The following ZNF385D variants were observed in gnomAD, a reference collection of about 807,000 sequenced individuals.
ZNF385D encodes the protein zinc finger protein 385D, also known as zinc finger protein 659.
ZNF385D carries 15 observed loss-of-function variants against 35.8 expected under a neutral mutation model. The observed-to-expected ratio is 0.42, with a 90% CI of 0.28 to 0.64. The LOEUF is 0.64. ZNF385D is among the 30% of genes least tolerant of loss of function. The probability of loss-of-function intolerance (pLI) is 0.23; values close to 1 mark genes in which losing one functional copy is unlikely to be tolerated. For synonymous variants in ZNF385D, 212 were observed against 186.8 expected, an observed-to-expected ratio of 1.13 and a Z score of -1.10; for missense variants, 474 against 494.6, an observed-to-expected ratio of 0.96 and a Z score of 0.39.
intron 3 of ZNF385D, among the ~76,000 whole-genome samples, chr3:22,058,014 G>C (rs1319269730): frequency 6.6e-6 from 1 of 152,160 alleles, no homozygotes; most frequent in African/African-American, 2.4e-5. Context: ...ATGAATAAAT[G>C]AATGAATGAA....
intron 3 of ZNF385D, among the ~76,000 whole-genome samples, chr3:21,932,160 C>G (rs1165669688): frequency 6.3e-5 from 2 of 31,856 alleles, no homozygotes; most frequent in Non-Finnish European, 1.2e-4. Flanking sequence ...GAGCAAGACT[C>G]ATTCTCAAAA....
At chr3:22,145,033 T>TGTGG (rs1037315118) in intron 3 of ZNF385D, among the ~76,000 whole-genome samples, 2 of 151,944 alleles carry the variant, frequency 1.3e-5, no homozygotes, top group East Asian at 3.9e-4. Flanking sequence ...TGTGTGTGTG[T>TGTGG]GTGTGTAGTC....
rs1421153343 is a variant in ZNF385D, at chr3:21,682,215, TAG to T, written c.23-17189_23-17188del. 9.5e-4 allele frequency among the ~76,000 whole-genome samples: 144 copies of T among 151,150 alleles called. 1 individual carries two copies. The highest frequency in any genetic ancestry group is 3.4e-3 in the Middle Eastern group (1 of 294). On this transcript the variant is annotated intron_variant, in intron 1 of 7. Coordinates refer to ENST00000281523, the MANE Select transcript of ZNF385D (RefSeq NM_024697.3). Reference sequence around the variant, plus strand: ...TTGGCAGGTTGGTTTGTTTTTAGTTTAGCTTTGTCCTTTTAAGTTAGAAGCCA... The same window carrying T: ...TTGGCAGGTTGGTTTGTTTTTAGTTTCTTTGTCCTTTTAAGTTAGAAGCCA...
At chr3:22,174,849 T>C (rs1297967621) in intron 2 of ZNF385D, among the ~76,000 whole-genome samples, 2 of 152,122 alleles carry the variant, frequency 1.3e-5, no homozygotes, top group Non-Finnish European at 2.9e-5. Context: ...GTAATATTTA[T>C]ACAGAACACA....
intron 3 of ZNF385D, among the ~76,000 whole-genome samples, chr3:21,767,988 GTAAT>G (rs2070905981): frequency 1.3e-5 from 2 of 151,968 alleles, no homozygotes; most frequent in South Asian, 4.1e-4. Flanking sequence ...CTAATTTGTT[GTAAT>G]TATTCACATA....
chr3:22,173,988 A>G (rs1425796917), intron 2 of ZNF385D, among the ~76,000 whole-genome samples: 2 of 151,486 alleles, frequency 1.3e-5, no homozygotes, highest in Non-Finnish European at 2.9e-5. Context: ...TCTATTTATT[A>G]TCAGTTTCAA....
chr3:22,233,708 TG>T (rs1699023469), intron 2 of ZNF385D, among the ~76,000 whole-genome samples: 1 of 152,112 alleles, frequency 6.6e-6, no homozygotes, highest in African/African-American at 2.4e-5. Flanking sequence ...AATATAGTCC[TG>T]GTAGGCTCTA....
intron 3 of ZNF385D, among the ~76,000 whole-genome samples, chr3:22,026,782 G>C (rs1697582046): frequency 1.3e-5 from 2 of 152,192 alleles, no homozygotes; most frequent in South Asian, 2.1e-4. Context: ...TCCCTGGAGG[G>C]ATTGAGAACA....
chr3:21,675,227 G>A (rs558436501), intron 1 of ZNF385D, among the ~76,000 whole-genome samples: 48 of 152,092 alleles, frequency 3.2e-4, no homozygotes, highest in South Asian at 8.3e-4. Flanking sequence ...AACACACTAA[G>A]TCCTAGGCTT....
At chr3:21,576,937 C>T (rs531741660) in intron 2 of ZNF385D, among the ~76,000 whole-genome samples, 6 of 152,202 alleles carry the variant, frequency 3.9e-5, no homozygotes, top group South Asian at 2.1e-4. Flanking sequence ...TACCTTTATA[C>T]GATGTCTAAT....
intron 3 of ZNF385D, among the ~76,000 whole-genome samples, chr3:22,015,410 T>C (rs1163693416): frequency 6.6e-6 from 1 of 152,140 alleles, no homozygotes; most frequent in East Asian, 1.9e-4. Context: ...AGAAAATATC[T>C]ACGCTTTTCA....
Position 21,548,203 on chromosome 3 carries a change from A to C in ZNF385D, c.276+16371T>G, listed in dbSNP as rs558924780. 1.1e-3 allele frequency among the ~76,000 whole-genome samples: 170 copies of C among 152,282 alleles called. 1 individual carries two copies. The highest frequency in any genetic ancestry group is 4.0e-3 in the African/African-American group (165 of 41,574). ...AAATTTTCGTGGCGGTGATATGGAC[A>C]AGAACCCAGTCTTTAACTGAACTAG... On this transcript the variant is annotated intron_variant, in intron 3 of 7. Coordinates refer to ENST00000281523, the MANE Select transcript of ZNF385D (RefSeq NM_024697.3).
At chr3:22,140,996 T>C (rs898755555) in intron 3 of ZNF385D, among the ~76,000 whole-genome samples, 1 of 152,218 alleles carries the variant, frequency 6.6e-6, no homozygotes, top group Non-Finnish European at 1.5e-5. Context: ...TAAACACAAA[T>C]TGTATATCAA....
intron 2 of ZNF385D, among the ~76,000 whole-genome samples, chr3:22,249,497 GAAGT>G (rs1306752507): frequency 6.6e-6 from 1 of 152,096 alleles, no homozygotes; most frequent in African/African-American, 2.4e-5. Context: ...TGTATTTAAA[GAAGT>G]AATTATGTAA....
intron 3 of ZNF385D, among the ~76,000 whole-genome samples, chr3:21,995,513 G>C (rs1188344151): frequency 2.0e-5 from 3 of 152,156 alleles, no homozygotes; most frequent in Non-Finnish European, 4.4e-5. Flanking sequence ...GTAGGTGGCA[G>C]TGAGTGAGGT....
intron 3 of ZNF385D, among the ~76,000 whole-genome samples, chr3:22,167,227 A>T (rs1037270612): frequency 6.6e-6 from 1 of 152,286 alleles, no homozygotes; most frequent in South Asian, 2.1e-4. Flanking sequence ...CCTATTTTAC[A>T]AATACCAACC....
chr3:21,951,154 G>T (rs571479551), intron 3 of ZNF385D, among the ~76,000 whole-genome samples: 1 of 151,778 alleles, frequency 6.6e-6, no homozygotes, highest in Non-Finnish European at 1.5e-5. Flanking sequence ...CCATTTTCAT[G>T]ATACTGATTC....
intron 2 of ZNF385D, among the ~76,000 whole-genome samples, chr3:22,259,782 A>G (rs1700524704): frequency 6.6e-6 from 1 of 151,864 alleles, no homozygotes; most frequent in Non-Finnish European, 1.5e-5. Context: ...GGCACCAGAA[A>G]TTTTACCAGC....
chr3:22,000,322 A>T (rs1198621184), intron 3 of ZNF385D, among the ~76,000 whole-genome samples: 2 of 151,628 alleles, frequency 1.3e-5, no homozygotes, highest in African/African-American at 4.8e-5. Context: ...AAAAGGCCTT[A>T]TCTGAGGCAC....
Sources: gnomAD v4.1 joint callset for allele counts (sites outside exome capture counted in the v4.1 genomes callset) on GRCh38, gnomAD v4.1.1 for gene constraint, MANE v1.5 for transcripts, NCBI Gene and HGNC (gene_info 2026-07-23, HGNC 2026-07-21) for gene names.